Variants in AMN observed in about 807,000 individuals in gnomAD.
AMN encodes amnion associated transmembrane protein.
In AMN, 40 loss-of-function variants were observed where a neutral mutation model predicts 49.1. The ratio of observed to expected loss-of-function variants is 0.81; its 90% confidence interval spans 0.63 to 1.06. The LOEUF (loss-of-function observed/expected upper bound fraction) is 1.06. AMN is among the 50% of genes least tolerant of loss of function. The probability of loss-of-function intolerance (pLI) is 0.00; values close to 1 mark genes in which losing one functional copy is unlikely to be tolerated. For synonymous variants in AMN, 380 were observed against 313.3 expected (o/e 1.21, Z -2.25); for missense variants, 701 against 662.8 (o/e 1.06, Z -0.63).
intron 6 of AMN, 32 bp downstream of exon 6, chr14:102,929,290 C>A: frequency 7.0e-7 from 1 of 1,432,296 alleles, no homozygotes; most frequent in South Asian, 1.5e-5. Flanking sequence ...TCGCGGGGGC[C>A]GCGCGAGGGT....
rs368767424 is a variant in AMN at position 102,924,039 on chromosome 14, C to A, written c.207+60C>A. 1.9e-6 allele frequency: 3 copies of A among 1,610,672 alleles called. No homozygotes were observed. In the African/African-American group the frequency reaches 4.0e-5, roughly 22 times the overall value. Reference sequence around the variant, plus strand: ...GTTCACAGAGTCTCTGAAGCGCCTTCAGGGACTGCTGTGCCTTGAGGGCGG... The same window carrying A: ...GTTCACAGAGTCTCTGAAGCGCCTTAAGGGACTGCTGTGCCTTGAGGGCGG... On this transcript the variant is annotated intron_variant, in intron 3 of 11. Transcript: ENST00000299155.
Position 102,930,795 on chromosome 14 carries a change from C to CG in AMN, c.*120dup, listed in dbSNP as rs1891342108. 1.7e-6 allele frequency: 2 copies of CG among 1,200,556 alleles called. No homozygotes were observed. Among genetic ancestry groups the CG allele is most frequent in the Middle Eastern group, 2.7e-4 (1 of 3,712 alleles). The allele number at this position is 1,200,556 out of a possible 1,614,324, so 74.4% of individuals were successfully genotyped here. A position where few individuals can be genotyped will look rare whatever the true frequency, so the allele number is the denominator to read the frequency against. On this transcript the variant is annotated 3_prime_UTR_variant, in exon 12 of 12. Transcript: ENST00000299155. The stretch of plus-strand genomic sequence containing the variant: ...ACCTCCCCTTCCTTTCCCCCTCCTC[C>CG]GGGGGCCAAGGACAGGGTGGCCTTA...
rs764695073 is a variant in AMN at position 102,928,387 on chromosome 14, AC to A, written c.208-34del. On this transcript the variant is annotated intron_variant, in intron 3 of 11. Transcript: ENST00000299155. Reference sequence around the variant, plus strand: ...CGGGGTGGGCGCGGAGCAGGCCCGGACCCCCGCGTGGCGCCGCCTCAGCCCG... The same window carrying A: ...CGGGGTGGGCGCGGAGCAGGCCCGGACCCCGCGTGGCGCCGCCTCAGCCCG... 21 of 1,531,556 alleles carry A rather than the reference AC, an allele frequency of 1.4e-5. No homozygotes were observed. The South Asian group carries it at 1.8e-4, about 13-fold the overall frequency. 94.9% of individuals were successfully genotyped at this position (1,531,556 alleles called of 1,614,324 possible).
chr14:102,929,603 G>C, intron 7 of AMN, 52 bp from the exon 8 acceptor site: 1 of 1,547,548 alleles, frequency 6.5e-7, no homozygotes, highest in Non-Finnish European at 8.7e-7. Context: ...CCCCGCCTCA[G>C]TTTCCTGCCG....
At chr14:102,923,438 G>T (rs963895974) in intron 1 of AMN, 7 of 478,734 alleles carry the variant, frequency 1.5e-5, no homozygotes, top group Non-Finnish European at 2.3e-5. Flanking sequence ...CAAACTGGGG[G>T]CAGTGCCGGG....
At position 102,923,796 on chromosome 14, in the gene AMN, C is replaced by T. The variant is rs763705322; in HGVS notation, c.129C>T (p.Cys43=). ...AANWSQNRTP[C]AGGAVEFPAD... is the part of the protein sequence containing the mutation. ...ACTGGAGCCAGAACCGGACCCCGTG[C>T]GCCGGCGGCGCCGTTGAGTTCCCGG... Residue 43 remains cysteine (C), a synonymous_variant, in exon 2 of 12, where the codon TGC becomes TGT. Transcript: ENST00000299155. 5 of 1,612,556 alleles carry T rather than the reference C, an allele frequency of 3.1e-6. No homozygotes were observed. The South Asian group carries it at 5.5e-5, about 18-fold the overall frequency.
chr14:102,923,036 C>T (rs1891096178), intron 1 of AMN: 2 of 406,800 alleles, frequency 4.9e-6, no homozygotes, highest in Non-Finnish European at 9.0e-6. Flanking sequence ...GGCGCGGTCC[C>T]CAGAACCTGC....
chr14:102,923,849 G>A lies in AMN; in HGVS notation c.162+20G>A, dbSNP rs751216705. The A allele has an allele frequency of 1.2e-6, 2 of 1,612,598 alleles. No homozygotes were observed. The highest frequency in any genetic ancestry group is 1.3e-5 in the African/African-American group (1 of 75,064). On this transcript the variant is annotated intron_variant, in intron 2 of 11. Transcript: ENST00000299155. ...GACAAGGTGCCTGGGAGCGCCGGCG[G>A]GGTCGGTGATGGGCCTGGACCCCTG...
chr14:102,929,167 C>T lies in AMN; in HGVS notation c.560C>T (p.Ala187Val). 6.3e-7 allele frequency: 1 copy of T among 1,595,970 alleles called. No homozygotes were observed. The highest frequency in any genetic ancestry group is 8.5e-7 in the Non-Finnish European group (1 of 1,178,972). ...EDLAVFLASR[A>V]GRLRFHGPGA... is the part of the protein sequence containing the mutation. ...CTGGCTGTTTTCCTGGCGTCCCGCG[C>T]GGGCCGCCTACGCTTCCACGGGCCG... The change falls in exon 6 of 12, where the codon GCG becomes GTG. Residue 187 changes from alanine to valine, a missense_variant. Physicochemically the swap from Ala to Val is moderately conservative, Grantham distance 64. Transcript: ENST00000299155.
chr14:102,929,385 G>T, intron 6 of AMN, 43 bp from the exon 7 acceptor site: 1 of 1,521,864 alleles, frequency 6.6e-7, no homozygotes, highest in Non-Finnish European at 8.8e-7. Flanking sequence ...TCTCGCTGCG[G>T]TCCGCTCTGG....
intron 1 of AMN, 148 bp from the exon 2 acceptor site, chr14:102,923,563 A>AGGGTGT: frequency 1.3e-6 from 1 of 766,396 alleles, no homozygotes. Flanking sequence ...GGGAGGGACC[A>AGGGTGT]GGGTCTGGGT....
rs1039668619 is a variant in AMN at position 102,928,910 on chromosome 14, T to C, written c.448T>C (p.Phe150Leu). The C allele has an allele frequency of 1.9e-5, 30 of 1,602,602 alleles. No homozygotes were observed. The African/African-American group carries it at 2.9e-4, about 16-fold the overall frequency. The change falls in exon 5 of 12, where the codon TTC becomes CTC. Residue 150 changes from phenylalanine (F) to leucine (L), a missense_variant. By Grantham distance (22) the Phe-to-Leu change is conservative. Coordinates refer to ENST00000299155, the MANE Select transcript of AMN (RefSeq NM_030943.4). ...CGTCTTCTTTCCGCCTAGTGCCTCCTTCCGCGTGGGGCTCGGCCCTGGCGC... is the reference window on the plus strand; with the variant it reads ...CGTCTTCTTTCCGCCTAGTGCCTCCCTCCGCGTGGGGCTCGGCCCTGGCGC... The part of the protein sequence containing the change: ...DDVFFPPSAS[F>L]RVGLGPGASP...
chr14:102,923,479 C>T (rs909567754), intron 1 of AMN: 3 of 545,482 alleles, frequency 5.5e-6, no homozygotes, highest in Admixed American at 6.2e-5. Flanking sequence ...CTGCAGGGCG[C>T]GTTTGAGCGG....
intron 7 of AMN, 40 bp from the exon 8 acceptor site, chr14:102,929,615 G>T: frequency 6.5e-7 from 1 of 1,547,862 alleles, no homozygotes. Context: ...TTCCTGCCGG[G>T]CCCGGATCCA....
In AMN at chr14:102,924,035, C is replaced by T; in HGVS notation, c.207+56C>T. 3.7e-6 allele frequency: 6 copies of T among 1,608,574 alleles called. No individual in the cohort carries two copies. The South Asian group carries it at 6.6e-5, about 18-fold the overall frequency. On this transcript the variant is annotated intron_variant, in intron 3 of 11. Coordinates refer to ENST00000299155, the MANE Select transcript of AMN (RefSeq NM_030943.4). ...GGGGGTTCACAGAGTCTCTGAAGCG[C>T]CTTCAGGGACTGCTGTGCCTTGAGG...
At chr14:102,922,762 G>C in intron 1 of AMN, 31 bp downstream of exon 1, 1 of 1,565,108 alleles carries the variant, frequency 6.4e-7, no homozygotes, top group African/African-American at 1.3e-5. Flanking sequence ...TGCGGGCCCG[G>C]ACGGTAGCGG....
rs1196863577 is a variant in AMN, at chr14:102,930,717, CG to C, written c.*38del. On this transcript the variant is annotated 3_prime_UTR_variant, in exon 12 of 12. Transcript: ENST00000299155. ...ACCGTCGACCTTGGGGCTCTCCACCCGCTCTGGCCCCAGTCGAACTGGGGGC... is the reference window on the plus strand; with the variant it reads ...ACCGTCGACCTTGGGGCTCTCCACCCCTCTGGCCCCAGTCGAACTGGGGGC... The C allele has an allele frequency of 3.2e-6, 5 of 1,548,084 alleles. No homozygotes were observed. The highest frequency in any genetic ancestry group is 1.4e-5 in the African/African-American group (1 of 73,298).
At chr14:102,923,668 C>T in intron 1 of AMN, 43 bp from the exon 2 acceptor site, 1 of 1,538,190 alleles carries the variant, frequency 6.5e-7, no homozygotes, top group Non-Finnish European at 9.0e-7. Context: ...GAGAAGGGAG[C>T]ATCCCGGAGA....
chr14:102,924,097 G>A lies in AMN; in HGVS notation c.207+118G>A, dbSNP rs548601484. The A allele has an allele frequency of 4.4e-5, 63 of 1,435,710 alleles. No individual in the cohort carries two copies. In the African/African-American group the frequency reaches 7.4e-4, roughly 17 times the overall value. The allele number at this position is 1,435,710 out of a possible 1,614,324, so 88.9% of individuals were successfully genotyped here. A position where few individuals can be genotyped will look rare whatever the true frequency, so the allele number is the denominator to read the frequency against. ...CGGCATGGAGGCACTGCAGGACTGG[G>A]ACTTTGGCCTCTGGAGAATATTCTA... is the stretch of plus-strand genomic sequence containing the variant. On this transcript the variant is annotated intron_variant, in intron 3 of 11. Coordinates refer to ENST00000299155, the MANE Select transcript of AMN (RefSeq NM_030943.4).
Sources: allele counts gnomAD v4.1 joint callset, GRCh38; gene constraint gnomAD v4.1.1; transcripts MANE v1.5; gene names NCBI Gene and HGNC (gene_info 2026-07-23, HGNC 2026-07-21).